Variants in SMIM14 observed in about 807,000 individuals in gnomAD.
The protein encoded by SMIM14 is small integral membrane protein 14, also known as chromosome 4 open reading frame 34.
A neutral mutation model predicts 12.6 loss-of-function variants in SMIM14; 5 were observed. That is an observed-to-expected ratio of 0.40 (90% CI 0.21 to 0.83). SMIM14 has a LOEUF of 0.83. Ranked by LOEUF, SMIM14 falls within the 40% of genes least tolerant of loss-of-function variation. SMIM14 has a pLI of 0.37. For synonymous variants in SMIM14, 30 were observed against 40.1 expected, an observed-to-expected ratio of 0.75 and a Z score of 0.95; for missense variants, 86 against 119.1, an observed-to-expected ratio of 0.72 and a Z score of 1.29.
intron 3 of SMIM14, among the ~76,000 whole-genome samples, chr4:39,565,685 A>G (rs1253272541): frequency 6.6e-6 from 1 of 152,154 alleles, no homozygotes; most frequent in African/African-American, 2.4e-5. Context: ...GAACCACTCC[A>G]TCTGTTGTGT....
At chr4:39,566,337 T>C (rs9917885) in intron 3 of SMIM14, among the ~76,000 whole-genome samples, 18,632 of 151,394 alleles carry the variant, frequency 0.12, 2,615 homozygotes, top group African/African-American at 0.35. Context: ...GAATTTGAGG[T>C]GCCTTGTTAG....
intron 2 of SMIM14, among the ~76,000 whole-genome samples, chr4:39,591,923 G>T (rs1714101897): frequency 5.3e-5 from 8 of 152,160 alleles, no homozygotes; most frequent in Admixed American, 5.2e-4. Flanking sequence ...GCTTAGTGAG[G>T]TGGCTCACGA....
intron 4 of SMIM14, among the ~76,000 whole-genome samples, chr4:39,553,533 T>C (rs1711843733): frequency 6.6e-6 from 1 of 151,250 alleles, no homozygotes; most frequent in African/African-American, 2.4e-5. Flanking sequence ...TTATAAATAC[T>C]CTCTTCTCCA....
chr4:39,632,651 A>G (rs1715947313), intron 1 of SMIM14, among the ~76,000 whole-genome samples: 1 of 151,452 alleles, frequency 6.6e-6, no homozygotes, highest in Non-Finnish European at 1.5e-5. Context: ...AAAATTAGCC[A>G]GGCGTGGTCT....
At position 39,551,402 on chromosome 4, in the gene SMIM14, TG is replaced by T. The variant is rs1711697181; in HGVS notation, c.*723del. ...TGAGTGGCTTACAAATGTCATATAA[TG>T]GACTGTAAATCATCTGCCATATTGA... On this transcript the variant is annotated 3_prime_UTR_variant, in exon 5 of 5. Transcript: ENST00000295958. 6.5e-6 allele frequency: 1 copy of T among 152,682 alleles called. No homozygotes were observed. Among genetic ancestry groups the T allele is most frequent in the East Asian group, 1.9e-4 (1 of 5,202 alleles). 9.5% of individuals were successfully genotyped at this position (152,682 alleles called of 1,614,324 possible).
At chr4:39,574,237 CTTT>C (rs11338888) in intron 2 of SMIM14, among the ~76,000 whole-genome samples, 2 of 126,884 alleles carry the variant, frequency 1.6e-5, no homozygotes. Flanking sequence ...CTGCAACTTT[CTTT>C]TTTTTTTTTT....
At chr4:39,553,521 T>C (rs1711843130) in intron 4 of SMIM14, among the ~76,000 whole-genome samples, 1 of 151,944 alleles carries the variant, frequency 6.6e-6, no homozygotes, top group Non-Finnish European at 1.5e-5. Context: ...ATGCAAGCTG[T>C]TTTATAAATA....
At chr4:39,637,515 G>A (rs1040892884) in intron 1 of SMIM14, among the ~76,000 whole-genome samples, 11 of 150,920 alleles carry the variant, frequency 7.3e-5, no homozygotes, top group African/African-American at 2.2e-4. Context: ...ATCACGTACT[G>A]TTGTTCTTTC....
intron 1 of SMIM14, among the ~76,000 whole-genome samples, chr4:39,637,254 G>A (rs574001298): frequency 5.9e-4 from 89 of 152,062 alleles, no homozygotes; most frequent in African/African-American, 2.1e-3. Flanking sequence ...ATTACACAAA[G>A]TATTTCGTAT....
chr4:39,606,749 T>TCGAGGAGA (rs1473402223), intron 1 of SMIM14, among the ~76,000 whole-genome samples: 3 of 151,930 alleles, frequency 2.0e-5, no homozygotes, highest in Non-Finnish European at 4.4e-5. Context: ...GTTTACTGCC[T>TCGAGGAGA]CGAGGAGACT....
Position 39,638,863 on chromosome 4 carries a change from G to T in SMIM14, c.-160C>A. 1 of 985,748 alleles carries T rather than the reference G, an allele frequency of 1.0e-6. No individual in the cohort carries two copies. Among genetic ancestry groups the T allele is most frequent in the Non-Finnish European group, 1.2e-6 (1 of 830,204 alleles). The allele number at this position is 985,748 out of a possible 1,614,324, so 61.1% of individuals were successfully genotyped here. On this transcript the variant is annotated 5_prime_UTR_variant, in exon 1 of 5. Transcript: ENST00000295958. Reference sequence around the variant, plus strand: ...GACGCTGCTGCCACTGCCGTTTCTGGCCGCCGGCTTCCTCCCCCTCCTCTG... The same window carrying T: ...GACGCTGCTGCCACTGCCGTTTCTGTCCGCCGGCTTCCTCCCCCTCCTCTG...
intron 2 of SMIM14, among the ~76,000 whole-genome samples, chr4:39,589,411 T>C (rs1195599039): frequency 6.6e-6 from 1 of 152,200 alleles, no homozygotes; most frequent in African/African-American, 2.4e-5. Flanking sequence ...AGTGAAGATG[T>C]AGAAGTTTTA....
intron 1 of SMIM14, among the ~76,000 whole-genome samples, chr4:39,634,343 A>G (rs1195758986): frequency 6.6e-6 from 1 of 152,226 alleles, no homozygotes; most frequent in Admixed American, 6.5e-5. Flanking sequence ...TCCTGTCCTG[A>G]ACAAAAACAT....
intron 2 of SMIM14, among the ~76,000 whole-genome samples, chr4:39,603,264 T>C (rs1714683021): frequency 6.6e-6 from 1 of 152,150 alleles, no homozygotes; most frequent in Non-Finnish European, 1.5e-5. Flanking sequence ...ATAAAAAGTA[T>C]AAAGTATAAT....
At chr4:39,576,605 T>G (rs866491375) in intron 2 of SMIM14, among the ~76,000 whole-genome samples, 16 of 140,548 alleles carry the variant, frequency 1.1e-4, no homozygotes, top group African/African-American at 4.1e-4. Context: ...TCTGACTGCC[T>G]CCAACTCTAA....
At chr4:39,559,380 C>T (rs1020960832) in intron 3 of SMIM14, among the ~76,000 whole-genome samples, 4 of 136,742 alleles carry the variant, frequency 2.9e-5, no homozygotes, top group Non-Finnish European at 6.1e-5. Flanking sequence ...GTGAGCAAGA[C>T]CCTGTCAAAA....
chr4:39,555,632 A>G (rs1485062877), intron 4 of SMIM14, among the ~76,000 whole-genome samples: 1 of 152,242 alleles, frequency 6.6e-6, no homozygotes, highest in Non-Finnish European at 1.5e-5. Context: ...AATCATGACT[A>G]TCAAGATTTA....
intron 2 of SMIM14, chr4:39,589,834 A>T (rs924578426): frequency 6.6e-6 from 1 of 151,916 alleles, no homozygotes; most frequent in Non-Finnish European, 1.5e-5. Flanking sequence ...CAAGGTCAGG[A>T]GTTCGAGACC....
At chr4:39,620,352 G>C (rs922945884) in intron 1 of SMIM14, among the ~76,000 whole-genome samples, 1 of 151,952 alleles carries the variant, frequency 6.6e-6, no homozygotes, top group African/African-American at 2.4e-5. Flanking sequence ...GGTGGCGGGC[G>C]CCTGTAGTCC....
Sources: gnomAD v4.1 joint callset for allele counts (sites outside exome capture counted in the v4.1 genomes callset) on GRCh38, gnomAD v4.1.1 for gene constraint, MANE v1.5 for transcripts, NCBI Gene and HGNC (gene_info 2026-07-23, HGNC 2026-07-21) for gene names.